MYO16: variants seen among roughly 807,000 people sequenced by gnomAD.
The protein encoded by MYO16 is unconventional myosin-XVI.
In MYO16, 94 loss-of-function variants were observed where a neutral mutation model predicts 205.3. The ratio of observed to expected loss-of-function variants is 0.46; its 90% CI spans 0.39 to 0.54. MYO16 has a LOEUF of 0.54. Ranked by LOEUF, MYO16 falls within the 20% of genes least tolerant of loss-of-function variation. MYO16 has a pLI of 0.00. For missense variants in MYO16, 2,315 were observed against 2,387.5 expected (o/e 0.97, Z 0.63); for synonymous variants, 988 against 954.0 (o/e 1.04, Z -0.66).
At chr13:108,677,362 T>TGC (rs1164480890) in intron 2 of MYO16, among the ~76,000 whole-genome samples, 3 of 145,736 alleles carry the variant, frequency 2.1e-5, no homozygotes, top group African/African-American at 7.7e-5. Flanking sequence ...TATGCATATA[T>TGC]ATATATATAT....
the MYO16 span, among the ~76,000 whole-genome samples, chr13:108,501,180 G>A: frequency 2.6e-5 from 4 of 152,112 alleles, no homozygotes; most frequent in Non-Finnish European, 5.9e-5. Flanking sequence ...ACTTTCCCTG[G>A]CACTGTGGTT....
rs1448481023 is a variant in MYO16, at chr13:108,883,044, T to G, written c.1426-15T>G. On this transcript the variant is annotated splice_polypyrimidine_tract_variant and intron_variant, in intron 12 of 34. Coordinates refer to ENST00000457511, the MANE Select transcript of MYO16 (RefSeq NM_001198950.3). ...TTCACTGAGGTTTTCCCCTTGCTGC[T>G]GCCCTGTTTTCCAGGTGTCCCAGCT... is the stretch of plus-strand genomic sequence containing the variant. 6.2e-7 allele frequency: 1 copy of G among 1,613,444 alleles called. No individual in the cohort carries two copies. Among genetic ancestry groups the G allele is most frequent in the Non-Finnish European group, 8.5e-7 (1 of 1,179,616 alleles).
At chr13:109,185,828 A>C (rs1353417528) in intron 34 of MYO16, among the ~76,000 whole-genome samples, 1 of 152,202 alleles carries the variant, frequency 6.6e-6, no homozygotes, top group Non-Finnish European at 1.5e-5. Context: ...AGGTGTACTC[A>C]TAAATCATAT....
At chr13:108,994,540 T>C (rs906963381) in intron 21 of MYO16, among the ~76,000 whole-genome samples, 13 of 152,232 alleles carry the variant, frequency 8.5e-5, no homozygotes, top group African/African-American at 1.9e-4. Context: ...TAGATTTCTG[T>C]GTTGCTAACA....
At chr13:109,111,193 T>G (rs1411080688) in intron 28 of MYO16, among the ~76,000 whole-genome samples, 2 of 152,250 alleles carry the variant, frequency 1.3e-5, no homozygotes, top group African/African-American at 4.8e-5. Context: ...TGAGATTTGT[T>G]TCCCTTGGAA....
Position 108,997,408 on chromosome 13 carries a change from G to GAGGAAAGGAAAGGAA in MYO16, c.2442+4994_2442+5008dup, listed in dbSNP as rs71125358. Among the ~76,000 whole-genome samples the GAGGAAAGGAAAGGAA allele has an allele frequency of 7.0e-4, 59 of 84,176 alleles. 2 individuals are homozygous for GAGGAAAGGAAAGGAA. Among genetic ancestry groups the GAGGAAAGGAAAGGAA allele is most frequent in the African/African-American group, 1.2e-3 (28 of 22,614 alleles). 55.2% of individuals were successfully genotyped at this position (84,176 alleles called of 152,430 possible). On this transcript the variant is annotated intron_variant, in intron 21 of 34. Transcript: ENST00000457511. ...AGAGAGAGGGAGGGAGGGAGAGTGGGAGGAAAGGAAAGGAAAGGAAAGGAA... is the reference window on the plus strand; with the variant it reads ...AGAGAGAGGGAGGGAGGGAGAGTGGGAGGAAAGGAAAGGAAAGGAAAGGAAAGGAAAGGAAAGGAA...
intron 1 of MYO16, among the ~76,000 whole-genome samples, chr13:108,650,558 G>A (rs543465041): frequency 2.0e-5 from 3 of 152,312 alleles, no homozygotes; most frequent in East Asian, 1.9e-4. Context: ...CAGAAAGATC[G>A]TTCAACATTT....
chr13:109,001,210 G>C (rs996792249), intron 21 of MYO16, among the ~76,000 whole-genome samples: 1 of 151,584 alleles, frequency 6.6e-6, no homozygotes, highest in Non-Finnish European at 1.5e-5. Context: ...GGAAGAGAAG[G>C]GGATTGGGAA....
intron 27 of MYO16, among the ~76,000 whole-genome samples, chr13:109,074,146 C>T (rs1660751189): frequency 6.6e-6 from 1 of 152,102 alleles, no homozygotes; most frequent in African/African-American, 2.4e-5. Flanking sequence ...CTACCTTCAC[C>T]TTGTTTTTGG....
rs58923480 is a variant in MYO16, at chr13:108,840,614, T to A, written c.1098-3729T>A. On this transcript the variant is annotated intron_variant, in intron 9 of 34. Coordinates refer to ENST00000457511, the MANE Select transcript of MYO16 (RefSeq NM_001198950.3). The stretch of plus-strand genomic sequence containing the variant: ...GCATACTGATGCAATCACAGTTCAC[T>A]GCAGCCTCGACCTCATAGGCCCAAG... Among the ~76,000 whole-genome samples the A allele has an allele frequency of 3.6e-3, 555 of 152,320 alleles. 2 individuals are homozygous for A. The highest frequency in any genetic ancestry group is 0.013 in the African/African-American group (531 of 41,574).
rs11350745 is a variant in MYO16, at chr13:109,049,082, C to CTT, written c.2872+2107_2872+2108dup. ...TCAATTATGTTAATAATTATTGAGT[C>CTT]TTTTTTTTTTTTTTTTTGCTGTGTG... On this transcript the variant is annotated intron_variant, in intron 24 of 34. Transcript: ENST00000457511. The CTT allele has an allele frequency of 2.0e-3, 248 of 122,306 alleles. 2 individuals are homozygous for CTT. The highest frequency in any genetic ancestry group is 6.9e-3 in the African/African-American group (225 of 32,842). The allele number at this position is 122,306 out of a possible 1,614,324, so 7.6% of individuals were successfully genotyped here.
At chr13:108,889,564 C>A (rs1032282243) in intron 14 of MYO16, among the ~76,000 whole-genome samples, 1 of 152,130 alleles carries the variant, frequency 6.6e-6, no homozygotes, top group African/African-American at 2.4e-5. Flanking sequence ...AGGACAGGAA[C>A]CAATAACCAA....
intron 23 of MYO16, among the ~76,000 whole-genome samples, chr13:109,023,756 TACAA>T (rs1231939413): frequency 2.4e-5 from 2 of 84,264 alleles, no homozygotes; most frequent in African/African-American, 3.7e-5. Context: ...CGTATATGTA[TACAA>T]ATATGTTTTT....
the MYO16 span, among the ~76,000 whole-genome samples, chr13:108,579,429 C>G: frequency 9.0e-5 from 13 of 143,834 alleles, no homozygotes. Flanking sequence ...TCTATAAATG[C>G]TAAAGGCAAG....
At chr13:109,057,318 A>G (rs1364443948) in intron 27 of MYO16, among the ~76,000 whole-genome samples, 1 of 152,200 alleles carries the variant, frequency 6.6e-6, no homozygotes, top group Non-Finnish European at 1.5e-5. Flanking sequence ...GATAAGCAGA[A>G]CCACATGGGG....
At chr13:109,122,401 G>A (rs1051045930) in intron 29 of MYO16, among the ~76,000 whole-genome samples, 3 of 152,074 alleles carry the variant, frequency 2.0e-5, no homozygotes, top group Admixed American at 2.0e-4. Flanking sequence ...TTAAAAGGTC[G>A]GGCGCAGTGG....
At chr13:108,878,441 AT>A (rs1264506179) in intron 12 of MYO16, among the ~76,000 whole-genome samples, 1 of 152,054 alleles carries the variant, frequency 6.6e-6, no homozygotes, top group Admixed American at 6.6e-5. Context: ...TTCCCACTCT[AT>A]CCCCTTTCCA....
intron 17 of MYO16, 127 bp downstream of exon 17, chr13:108,957,926 G>C: frequency 1.4e-6 from 1 of 726,468 alleles, no homozygotes; most frequent in Non-Finnish European, 2.3e-6. Flanking sequence ...CTGATGATTC[G>C]GCAGACAACA....
chr13:108,820,446 G>C, intron 8 of MYO16, 34 bp downstream of exon 8: 3 of 1,536,706 alleles, frequency 2.0e-6, no homozygotes, highest in Non-Finnish European at 2.7e-6. Context: ...CATTGAGCAG[G>C]TACTGTTTTC....
Sources: gnomAD v4.1 joint callset for allele counts (sites outside exome capture counted in the v4.1 genomes callset) on GRCh38, gnomAD v4.1.1 for gene constraint, MANE v1.5 for transcripts, NCBI Gene and HGNC (gene_info 2026-07-23, HGNC 2026-07-21) for gene names.